Variants in TMEM200C observed in about 807,000 individuals in gnomAD.
TMEM200C encodes transmembrane protein 200C.
For synonymous variants in TMEM200C, 462 were observed against 324.7 expected (o/e 1.42, Z -4.55); for missense variants, 966 against 699.9 (o/e 1.38, Z -4.29).
In TMEM200C at chr18:5,891,676, C is replaced by G. The variant is rs757578943; in HGVS notation, c.388G>C (p.Ala130Pro). The G allele has an allele frequency of 1.2e-6, 2 of 1,613,638 alleles. No homozygotes were observed. Among genetic ancestry groups the G allele is most frequent in the Non-Finnish European group, 8.5e-7 (1 of 1,179,824 alleles). ...CGTGCTGGAGGCGTGCTCCTGGGCG[C>G]GCCCGCGGAACTGGAGTTGACACCC... Residue 130 changes from alanine (A) to proline (P), a missense_variant, in exon 3 of 3, where the codon GCG becomes CCG. Physicochemically the swap from Ala to Pro is conservative, Grantham distance 27 (BLOSUM62 -1). Coordinates refer to ENST00000581347, the Ensembl canonical transcript of TMEM200C. The surrounding 1 kb of genome is among the most constrained non-coding windows in gnomAD (Gnocchi z 4.7).
exon 3 of TMEM200C, chr18:5,883,847 C>A (rs1013236200): frequency 1.3e-5 from 2 of 152,046 alleles, no homozygotes; most frequent in Non-Finnish European, 2.9e-5. Flanking sequence ...CTTATACACA[C>A]GTCTAGGGAA....
At position 5,891,073 on chromosome 18, in the gene TMEM200C, C is replaced by T. The variant is rs1567887366; in HGVS notation, c.991G>A (p.Gly331Ser). 1.1e-5 allele frequency: 6 copies of T among 535,154 alleles called. No individual in the cohort carries two copies. The highest frequency in any genetic ancestry group is 6.4e-6 in the Non-Finnish European group (2 of 311,236). 33.2% of individuals were successfully genotyped at this position (535,154 alleles called of 1,614,324 possible). The change falls in exon 3 of 3, where the codon GGC becomes AGC. Residue 331 changes from glycine to serine, a missense_variant. Physicochemically the swap from Gly to Ser is moderately conservative, Grantham distance 56. Transcript: ENST00000581347. The surrounding 1 kb of genome is among the most constrained non-coding windows in gnomAD (Gnocchi z 4.7). ...GCGGCCCGGCGACTGCCTGCCACGC[C>T]CGAGCGCTCGCGGTAGACGCTGTAC...
chr18:5,890,766 C>T, exon 3 of TMEM200C: 2 of 607,978 alleles, frequency 3.3e-6, no homozygotes, highest in Non-Finnish European at 5.9e-6. Context: ...GCGCGCCCCG[C>T]GCATGCTGCC....
exon 3 of TMEM200C, chr18:5,892,090 C>T: frequency 6.3e-7 from 1 of 1,596,478 alleles, no homozygotes; most frequent in Non-Finnish European, 8.5e-7. Context: ...GCAGGACTAG[C>T]CTCTGGGATG....
intron 2 of TMEM200C, among the ~76,000 whole-genome samples, chr18:5,892,836 C>A (rs1468080282): frequency 2.0e-5 from 3 of 152,160 alleles, no homozygotes; most frequent in African/African-American, 4.8e-5. Flanking sequence ...ACAATAAATC[C>A]CTTCACAAAG....
chr18:5,889,222 T>C (rs546137896), exon 3 of TMEM200C: 1 of 152,314 alleles, frequency 6.6e-6, no homozygotes, highest in African/African-American at 2.4e-5. Context: ...AACGTTTCAT[T>C]CTATTTGAAA....
chr18:5,891,555 G>A lies in TMEM200C; in HGVS notation c.509C>T (p.Pro170Leu). 1 of 1,613,654 alleles carries A rather than the reference G, an allele frequency of 6.2e-7. No individual in the cohort carries two copies. ...GAAGATGCCGATGCCCATGATGAGG[G>A]GCCCGAAGACCTTGAGCTTGTCAGA... is the stretch of plus-strand genomic sequence containing the variant. Residue 170 changes from proline (P) to leucine (L), a missense_variant, in exon 3 of 3, where the codon CCC (proline) becomes CTC (leucine). By Grantham distance (98) the Pro-to-Leu change is moderately conservative. Transcript: ENST00000581347. The surrounding 1 kb of genome is among the most constrained non-coding windows in gnomAD (Gnocchi z 4.7).
chr18:5,886,768 G>GACT (rs1461902890), exon 3 of TMEM200C: 1 of 151,812 alleles, frequency 6.6e-6, no homozygotes, highest in Non-Finnish European at 1.5e-5. Flanking sequence ...TAGATGTGAA[G>GACT]ACCCAGTTAT....
chr18:5,884,662 GA>G (rs2095164084), exon 3 of TMEM200C: 1 of 152,110 alleles, frequency 6.6e-6, no homozygotes, highest in Non-Finnish European at 1.5e-5. Flanking sequence ...CTATACAGGT[GA>G]AATCAGGTGT....
Position 5,891,241 on chromosome 18 carries a change from C to A in TMEM200C, c.823G>T (p.Ala275Ser). 2 of 1,363,934 alleles carry A rather than the reference C, an allele frequency of 1.5e-6. No homozygotes were observed. Among genetic ancestry groups the A allele is most frequent in the South Asian group, 1.6e-5 (1 of 61,822 alleles). The allele number at this position is 1,363,934 out of a possible 1,614,324, so 84.5% of individuals were successfully genotyped here. A position where few individuals can be genotyped will look rare whatever the true frequency, so the allele number is the denominator to read the frequency against. The change falls in exon 3 of 3, where the codon GCG (alanine) becomes TCG (serine). Residue 275 changes from alanine (A) to serine (S), a missense_variant. Ala to Ser is a moderately conservative substitution (Grantham distance 99, BLOSUM62 1). Transcript: ENST00000581347. This position sits in a 1 kb window ranked among gnomAD's most constrained non-coding sequence, Gnocchi z 4.7. ...GAGCCCTTGGCCAGCATCGCCGCCG[C>A]TCCGAAGGCGTCCCCGGAGCCACCG...
exon 3 of TMEM200C, chr18:5,890,959 T>C (rs1241786547): frequency 7.5e-6 from 5 of 662,696 alleles, no homozygotes; most frequent in African/African-American, 3.8e-5. Flanking sequence ...ACGAAGGAGC[T>C]GGCCGTGCTC....
At chr18:5,886,317 T>C (rs1156466959) in exon 3 of TMEM200C, 1 of 152,188 alleles carries the variant, frequency 6.6e-6, no homozygotes, top group Non-Finnish European at 1.5e-5. Flanking sequence ...CTGATACGGC[T>C]AGCCTCAATA....
At chr18:5,883,719 G>A (rs2095163393) in exon 3 of TMEM200C, 1 of 150,098 alleles carries the variant, frequency 6.7e-6, no homozygotes, top group African/African-American at 2.5e-5. Flanking sequence ...CCTGTGGCTT[G>A]ATAGAACAAC....
At chr18:5,894,285 A>C (rs908641072) in intron 2 of TMEM200C, among the ~76,000 whole-genome samples, 2 of 152,178 alleles carry the variant, frequency 1.3e-5, no homozygotes, top group African/African-American at 4.8e-5. Flanking sequence ...CCTTTACCGC[A>C]CATCTTTAAA....
exon 3 of TMEM200C, chr18:5,890,726 T>C: frequency 1.9e-6 from 1 of 538,686 alleles, no homozygotes; most frequent in Admixed American, 3.5e-5. Flanking sequence ...CGCGCGCCGC[T>C]ACCGCGCCCT....
exon 3 of TMEM200C, chr18:5,884,327 C>T (rs988277212): frequency 2.0e-5 from 3 of 152,116 alleles, no homozygotes; most frequent in African/African-American, 4.8e-5. Context: ...CACTGGCCAA[C>T]ACACCTTTCC....
chr18:5,890,365 C>A (rs2095168869), exon 3 of TMEM200C: 1 of 1,593,278 alleles, frequency 6.3e-7, no homozygotes, highest in Non-Finnish European at 8.6e-7. Context: ...GCACCCAGAA[C>A]GGGGGCGGCC....
exon 2 of TMEM200C, chr18:5,895,449 G>A (rs1449034386): frequency 2.0e-5 from 3 of 150,206 alleles, no homozygotes; most frequent in South Asian, 2.1e-4. Context: ...GCCCGCGGCG[G>A]CGGCTCGGGG....
chr18:5,887,146 A>G (rs2095165989), exon 3 of TMEM200C: 1 of 152,138 alleles, frequency 6.6e-6, no homozygotes, highest in South Asian at 2.1e-4. Flanking sequence ...CCATCACACC[A>G]ATTGTTGCAA....
Sources: gnomAD v4.1 joint callset for allele counts (sites outside exome capture counted in the v4.1 genomes callset) on GRCh38, gnomAD v4.1.1 for gene constraint, Gnocchi (gnomAD v3.1) non-coding constraint, MANE v1.5 for transcripts, NCBI Gene and HGNC (gene_info 2026-07-23, HGNC 2026-07-21) for gene names.